CCSER2: variants seen among roughly 807,000 people sequenced by gnomAD.
CCSER2 encodes serine-rich coiled-coil domain-containing protein 2.
A neutral mutation model predicts 92.3 loss-of-function variants in CCSER2; 46 were observed. That is an observed-to-expected ratio of 0.50 (90% CI 0.39 to 0.64). The LOEUF is 0.64. CCSER2 is among the 30% of genes least tolerant of loss of function. CCSER2 has a pLI of 0.00. For synonymous variants in CCSER2, 433 were observed against 431.4 expected (o/e 1.00, Z -0.04); for missense variants, 1,244 against 1,238.9 (o/e 1.00, Z -0.06).
At chr10:84,429,862 C>CA (rs1843667765) in intron 5 of CCSER2, among the ~76,000 whole-genome samples, 1 of 109,190 alleles carries the variant, frequency 9.2e-6, no homozygotes. Flanking sequence ...TTGCTTGTCA[C>CA]AAAAAATTTG....
At chr10:84,499,510 A>G (rs934490734) in intron 9 of CCSER2, among the ~76,000 whole-genome samples, 1 of 152,140 alleles carries the variant, frequency 6.6e-6, no homozygotes, top group African/African-American at 2.4e-5. Context: ...TGTGTTTAAC[A>G]CCTAAAGTCT....
chr10:84,372,020 T>C lies in CCSER2; in HGVS notation c.968T>C (p.Leu323Pro), dbSNP rs1846087931. 1 of 1,613,852 alleles carries C rather than the reference T, an allele frequency of 6.2e-7. No homozygotes were observed. Among genetic ancestry groups the C allele is most frequent in the South Asian group, 1.1e-5 (1 of 91,066 alleles). Residue 323 changes from leucine to proline, a missense_variant, in exon 2 of 10, where the codon CTG becomes CCG. Coordinates refer to ENST00000372088, the MANE Select transcript of CCSER2 (RefSeq NM_001284240.2). ...TATAGAATGGTTCATCCCTCTCTAC[T>C]GAAATCTAGCCGATCTCCATTTTCT... ...LGYRMVHPSLLKSSRSPFSGT... is the reference protein window; with the variant it reads ...LGYRMVHPSLPKSSRSPFSGT...
intron 3 of CCSER2, chr10:84,393,721 A>T: frequency 6.6e-6 from 1 of 152,616 alleles, no homozygotes; most frequent in Admixed American, 6.5e-5. Flanking sequence ...TTAAAAAATT[A>T]AAGGTACTGT....
At chr10:84,433,937 G>A (rs146407913) in intron 5 of CCSER2, among the ~76,000 whole-genome samples, 136 of 152,196 alleles carry the variant, frequency 8.9e-4, no homozygotes, top group Non-Finnish European at 1.6e-3. Context: ...TGCCTGCCTG[G>A]GCTATGATCG....
At chr10:84,504,369 G>C (rs1848932525) in intron 9 of CCSER2, among the ~76,000 whole-genome samples, 1 of 151,214 alleles carries the variant, frequency 6.6e-6, no homozygotes, top group Non-Finnish European at 1.5e-5. Flanking sequence ...AGGAAAAAAT[G>C]TTTATTGTTG....
At chr10:84,472,815 A>G (rs139100612) in intron 8 of CCSER2, among the ~76,000 whole-genome samples, 1 of 152,292 alleles carries the variant, frequency 6.6e-6, no homozygotes, top group Admixed American at 6.5e-5. Context: ...TCATAGCTCA[A>G]ATTATATTAT....
At chr10:84,507,124 A>T (rs1406349001) in intron 9 of CCSER2, among the ~76,000 whole-genome samples, 1 of 152,232 alleles carries the variant, frequency 6.6e-6, no homozygotes, top group Non-Finnish European at 1.5e-5. Flanking sequence ...TTTGTTATGT[A>T]CAAATATATT....
chr10:84,331,523 G>T (rs1393784698), intron 1 of CCSER2, among the ~76,000 whole-genome samples: 1 of 152,162 alleles, frequency 6.6e-6, no homozygotes, highest in Non-Finnish European at 1.5e-5. Context: ...ATGGTACAAT[G>T]AGATTTTAAT....
intron 9 of CCSER2, among the ~76,000 whole-genome samples, chr10:84,497,737 A>G (rs556134717): frequency 1.3e-5 from 2 of 152,362 alleles, no homozygotes; most frequent in South Asian, 4.1e-4. Flanking sequence ...AGGTACTGTG[A>G]CAGATACTTT....
At chr10:84,428,985 G>GTA (rs60243946) in intron 5 of CCSER2, among the ~76,000 whole-genome samples, 8,095 of 140,502 alleles carry the variant, frequency 0.058, 478 homozygotes, top group African/African-American at 0.17. Context: ...GTGTGTATGT[G>GTA]TATATATATA....
intron 3 of CCSER2, chr10:84,391,752 A>G: frequency 2.0e-6 from 3 of 1,518,972 alleles, no homozygotes; most frequent in African/African-American, 1.4e-5. Context: ...CTACAGCAGT[A>G]TGAAGACCCT....
intron 1 of CCSER2, 66 bp from the exon 2 acceptor site, chr10:84,370,948 A>G (rs1020404454): frequency 9.9e-6 from 7 of 708,948 alleles, no homozygotes; most frequent in African/African-American, 1.8e-5. Context: ...GTATCATATT[A>G]TGTAATAATT....
chr10:84,474,071 C>A (rs1846981661), intron 8 of CCSER2, among the ~76,000 whole-genome samples: 2 of 152,114 alleles, frequency 1.3e-5, no homozygotes, highest in Non-Finnish European at 2.9e-5. Context: ...CTATTCAAAC[C>A]TTACTAAAAA....
rs149533961 is a variant in CCSER2 at position 84,362,441 on chromosome 10, CT to C, written c.-39-8572del. Among the ~76,000 whole-genome samples the C allele has an allele frequency of 9.7e-3, 1,482 of 152,304 alleles. 28 individuals are homozygous for C. The highest frequency in any genetic ancestry group is 0.034 in the African/African-American group (1,429 of 41,568). On this transcript the variant is annotated intron_variant, in intron 1 of 9. Coordinates refer to ENST00000372088, the MANE Select transcript of CCSER2 (RefSeq NM_001284240.2). ...TTTGAGTTTTGTGTTCCTGTACCAA[CT>C]GGTAAAATTTGGAGGGAGAAATTTT... is the stretch of plus-strand genomic sequence containing the variant.
intron 5 of CCSER2, among the ~76,000 whole-genome samples, chr10:84,435,638 C>CAAAAAAAAAAAAAAAAAAAAAAAA (rs5786657): frequency 3.7e-5 from 4 of 106,836 alleles, no homozygotes; most frequent in Non-Finnish European, 3.8e-5. Context: ...CCATTCAGTG[C>CAAAAAAAAAAAAAAAAAAAAAAAA]AAAAAAAAAA....
chr10:84,491,834 C>T lies in CCSER2; in HGVS notation c.2325+14170C>T, dbSNP rs181633459. Among the ~76,000 whole-genome samples, 22 of 152,310 alleles carry T rather than the reference C, an allele frequency of 1.4e-4. No homozygotes were observed. The East Asian group carries it at 1.9e-3, about 13-fold the overall frequency. On this transcript the variant is annotated intron_variant, in intron 9 of 9. Transcript: ENST00000372088. The stretch of plus-strand genomic sequence containing the variant: ...AATCACCCCTCTTCTGGGTTGCTCA[C>T]GCTGGGAGCTGTAGACTGGAGCTGT...
At chr10:84,329,054 C>T (rs1004284744) in intron 1 of CCSER2, among the ~76,000 whole-genome samples, 2 of 151,878 alleles carry the variant, frequency 1.3e-5, no homozygotes, top group Non-Finnish European at 2.9e-5. Context: ...AGCGCGGGGC[C>T]TCGGGCCGCG....
intron 1 of CCSER2, among the ~76,000 whole-genome samples, chr10:84,344,281 A>C (rs1564581665): frequency 1.3e-5 from 2 of 152,140 alleles, no homozygotes; most frequent in Non-Finnish European, 2.9e-5. Context: ...AGATTCTCTC[A>C]TTCTAAATGT....
intron 6 of CCSER2, among the ~76,000 whole-genome samples, chr10:84,462,143 G>A (rs1846136630): frequency 6.6e-6 from 1 of 152,180 alleles, no homozygotes; most frequent in African/African-American, 2.4e-5. Context: ...TCAGATCCAA[G>A]CAAGTGCTGC....
Sources: gnomAD v4.1 joint callset for allele counts (sites outside exome capture counted in the v4.1 genomes callset) on GRCh38, gnomAD v4.1.1 for gene constraint, MANE v1.5 for transcripts, NCBI Gene and HGNC (gene_info 2026-07-23, HGNC 2026-07-21) for gene names.